The following ARHGAP44 variants were observed in gnomAD, a reference collection of about 807,000 sequenced individuals.
The protein encoded by ARHGAP44 is Rho GTPase activating protein 44.
In ARHGAP44, 43 loss-of-function variants were observed where a neutral mutation model predicts 106.8. The observed-to-expected ratio is 0.40, with a 90% confidence interval of 0.32 to 0.52. ARHGAP44 has a LOEUF of 0.52. ARHGAP44 is among the 20% of genes least tolerant of loss of function. The pLI is 0.48. For synonymous variants in ARHGAP44, 439 were observed against 410.3 expected, an observed-to-expected ratio of 1.07 and a Z score of -0.85; for missense variants, 866 against 1,050.5, an observed-to-expected ratio of 0.82 and a Z score of 2.43.
chr17:12,825,309 A>T (rs542195874), intron 1 of ARHGAP44, among the ~76,000 whole-genome samples: 20 of 150,872 alleles, frequency 1.3e-4, no homozygotes, highest in African/African-American at 4.7e-4. Flanking sequence ...AAGTGCTGGG[A>T]TTACAGCATG....
intron 1 of ARHGAP44, among the ~76,000 whole-genome samples, chr17:12,836,423 G>T (rs931846232): frequency 6.6e-6 from 1 of 151,766 alleles, no homozygotes. Flanking sequence ...TGAGGCGGGC[G>T]GATCACCTGA....
Position 12,990,323 on chromosome 17 carries a change from C to T in ARHGAP44, c.*152C>T, listed in dbSNP as rs542853126. 7 of 1,031,706 alleles carry T rather than the reference C, an allele frequency of 6.8e-6. No individual in the cohort carries two copies. Among genetic ancestry groups the T allele is most frequent in the Non-Finnish European group, 9.6e-6 (7 of 725,662 alleles). 63.9% of individuals were successfully genotyped at this position (1,031,706 alleles called of 1,614,324 possible). A position where few individuals can be genotyped will look rare whatever the true frequency, so the allele number is the denominator to read the frequency against. On this transcript the variant is annotated 3_prime_UTR_variant, in exon 21 of 21. Coordinates refer to ENST00000379672, the MANE Select transcript of ARHGAP44 (RefSeq NM_014859.6). ...TTGGAATTTGGCAGAAAATTGTGAT[C>T]TCCAGTCCGTGTGGTGATGCTGGTG...
chr17:12,980,288 C>A, intron 19 of ARHGAP44, 55 bp downstream of exon 19: 1 of 1,528,318 alleles, frequency 6.5e-7, no homozygotes, highest in Non-Finnish European at 8.8e-7. Flanking sequence ...CTGTGACATT[C>A]CCTGAAGGCT....
chr17:12,792,402 C>T (rs2033791503), intron 1 of ARHGAP44, among the ~76,000 whole-genome samples: 1 of 151,266 alleles, frequency 6.6e-6, no homozygotes, highest in Non-Finnish European at 1.5e-5. Flanking sequence ...GTAGATAGTG[C>T]AATGCCGTTT....
rs2150955180 is a variant in ARHGAP44 at position 12,919,844 on chromosome 17, T to A, written c.464+13T>A. 3.1e-6 allele frequency: 5 copies of A among 1,607,354 alleles called. No individual in the cohort carries two copies. In the East Asian group the frequency reaches 1.1e-4, roughly 36 times the overall value. ...CCTCACGAACCAGGTAGAATCTCTT[T>A]ACTTTCTTTTTTGCTTCTTTGAAGG... On this transcript the variant is annotated intron_variant, in intron 6 of 20. Coordinates refer to ENST00000379672, the MANE Select transcript of ARHGAP44 (RefSeq NM_014859.6).
chr17:12,982,598 A>G (rs2039860312), intron 19 of ARHGAP44: 1 of 152,234 alleles, frequency 6.6e-6, no homozygotes, highest in South Asian at 2.1e-4. Flanking sequence ...CAGGAAGTAG[A>G]GTTGAAAAGT....
chr17:12,990,341 T>C lies in ARHGAP44; in HGVS notation c.*170T>C, dbSNP rs1254873789. 3.7e-6 allele frequency: 3 copies of C among 821,404 alleles called. No individual in the cohort carries two copies. The highest frequency in any genetic ancestry group is 2.7e-5 in the East Asian group (1 of 36,568). The allele number at this position is 821,404 out of a possible 1,614,324, so 50.9% of individuals were successfully genotyped here. On this transcript the variant is annotated 3_prime_UTR_variant, in exon 21 of 21. Coordinates refer to ENST00000379672, the MANE Select transcript of ARHGAP44 (RefSeq NM_014859.6). Reference sequence around the variant, plus strand: ...TTGTGATCTCCAGTCCGTGTGGTGATGCTGGTGGTGCAGGTTTTGTTTGTT... The same window carrying C: ...TTGTGATCTCCAGTCCGTGTGGTGACGCTGGTGGTGCAGGTTTTGTTTGTT...
At chr17:12,979,430 G>A (rs1287392622) in intron 18 of ARHGAP44, among the ~76,000 whole-genome samples, 1 of 152,160 alleles carries the variant, frequency 6.6e-6, no homozygotes, top group Non-Finnish European at 1.5e-5. Context: ...CACCTCTCTT[G>A]AAGCCTGGGA....
intron 1 of ARHGAP44, among the ~76,000 whole-genome samples, chr17:12,872,129 T>C (rs1055192821): frequency 1.7e-4 from 26 of 152,242 alleles, no homozygotes; most frequent in African/African-American, 6.0e-4. Context: ...TTCAATTGTC[T>C]GTGACTTTTC....
At chr17:12,900,691 C>A (rs373796719) in intron 3 of ARHGAP44, among the ~76,000 whole-genome samples, 18 of 152,078 alleles carry the variant, frequency 1.2e-4, no homozygotes, top group Non-Finnish European at 2.2e-4. Flanking sequence ...CAGAAGCTCA[C>A]CACCCAGGGG....
intron 1 of ARHGAP44, among the ~76,000 whole-genome samples, chr17:12,859,654 A>G (rs915771863): frequency 6.6e-6 from 1 of 152,190 alleles, no homozygotes; most frequent in Non-Finnish European, 1.5e-5. Flanking sequence ...TTGCTGTTCT[A>G]TAAATGTACC....
intron 1 of ARHGAP44, among the ~76,000 whole-genome samples, chr17:12,804,710 C>A (rs1297058672): frequency 6.6e-6 from 1 of 152,220 alleles, no homozygotes; most frequent in African/African-American, 2.4e-5. Flanking sequence ...CCTCTCCTTT[C>A]CATTTATCGA....
chr17:12,950,344 C>T lies in ARHGAP44; in HGVS notation c.1055+614C>T, dbSNP rs141925322. 7.2e-3 allele frequency among the ~76,000 whole-genome samples: 1,102 copies of T among 152,182 alleles called. 7 individuals are homozygous for T. Among genetic ancestry groups the T allele is most frequent in the Middle Eastern group, 0.02 (6 of 294 alleles). On this transcript the variant is annotated intron_variant, in intron 12 of 20. Coordinates refer to ENST00000379672, the MANE Select transcript of ARHGAP44 (RefSeq NM_014859.6). ...TAAAGGGAGGTCACGTGTCATGACACGTGGGCAGCAGCAGCCTCTCTCTCC... is the reference window on the plus strand; with the variant it reads ...TAAAGGGAGGTCACGTGTCATGACATGTGGGCAGCAGCAGCCTCTCTCTCC...
At chr17:12,977,766 G>A (rs1040189125) in intron 18 of ARHGAP44, among the ~76,000 whole-genome samples, 1 of 152,120 alleles carries the variant, frequency 6.6e-6, no homozygotes, top group Non-Finnish European at 1.5e-5. Context: ...CGGGCCGGGC[G>A]TGGTAGCTCA....
intron 1 of ARHGAP44, among the ~76,000 whole-genome samples, chr17:12,814,754 C>T (rs1430336806): frequency 6.6e-6 from 1 of 152,148 alleles, no homozygotes; most frequent in Non-Finnish European, 1.5e-5. Context: ...TGGCACACTC[C>T]TCCACTGGGT....
At chr17:12,815,321 T>A (rs541620490) in intron 1 of ARHGAP44, among the ~76,000 whole-genome samples, 2 of 152,304 alleles carry the variant, frequency 1.3e-5, no homozygotes, top group East Asian at 3.9e-4. Context: ...CTCGCACTTA[T>A]TCTGTGAGGG....
intron 6 of ARHGAP44, among the ~76,000 whole-genome samples, chr17:12,927,250 C>G (rs552733059): frequency 3.3e-5 from 5 of 152,160 alleles, no homozygotes; most frequent in African/African-American, 9.7e-5. Context: ...GTAATTTTCC[C>G]GTGATTGCAT....
At chr17:12,942,699 C>A (rs149661514) in intron 8 of ARHGAP44, among the ~76,000 whole-genome samples, 27 of 152,294 alleles carry the variant, frequency 1.8e-4, no homozygotes, top group African/African-American at 6.3e-4. Context: ...CCACAACAAG[C>A]CTTCAAGCAG....
intron 17 of ARHGAP44, 131 bp downstream of exon 17, chr17:12,973,450 G>A: frequency 1.1e-6 from 1 of 903,816 alleles, no homozygotes; most frequent in Non-Finnish European, 1.7e-6. Flanking sequence ...TTGAAGCTGT[G>A]TGCCCATCAT....
Sources: allele counts gnomAD v4.1 joint callset (sites outside exome capture counted in the v4.1 genomes callset), GRCh38; gene constraint gnomAD v4.1.1; transcripts MANE v1.5; gene names NCBI Gene and HGNC (gene_info 2026-07-23, HGNC 2026-07-21).